Variants in CDYL2 observed in about 807,000 individuals in gnomAD.
CDYL2 encodes the protein chromodomain Y like 2.
A neutral mutation model predicts 49.4 loss-of-function variants in CDYL2; 23 were observed. That is an observed-to-expected ratio of 0.47 (90% CI 0.34 to 0.66). The LOEUF (loss-of-function observed/expected upper bound fraction) is 0.66, where lower values mean the gene tolerates loss of function less well. Among genes scored for constraint, CDYL2 ranks in the 30% least tolerant of loss-of-function variants. CDYL2 has a pLI of 0.01. For missense variants in CDYL2, 678 were observed against 656.4 expected, an observed-to-expected ratio of 1.03 and a Z score of -0.36; for synonymous variants, 360 against 268.8, an observed-to-expected ratio of 1.34 and a Z score of -3.32.
intron 2 of CDYL2, among the ~76,000 whole-genome samples, chr16:80,662,473 T>A (rs773961128): frequency 6.6e-6 from 1 of 152,184 alleles, no homozygotes; most frequent in Admixed American, 6.5e-5. Context: ...TCTGGTTGTT[T>A]GTACACCCTT....
intron 1 of CDYL2, among the ~76,000 whole-genome samples, chr16:80,786,591 T>C (rs1300156612): frequency 1.3e-5 from 2 of 152,200 alleles, no homozygotes; most frequent in Non-Finnish European, 1.5e-5. Context: ...AAATAACATT[T>C]GACCCAGCAA....
intron 3 of CDYL2, among the ~76,000 whole-genome samples, chr16:80,621,329 C>A (rs2142376572): frequency 6.6e-6 from 1 of 152,354 alleles, no homozygotes; most frequent in South Asian, 2.1e-4. Context: ...GGGATGTAAG[C>A]CATCTCTAGA....
intron 2 of CDYL2, among the ~76,000 whole-genome samples, chr16:80,683,191 T>A (rs1910038577): frequency 6.6e-6 from 1 of 152,230 alleles, no homozygotes; most frequent in South Asian, 2.1e-4. Flanking sequence ...CACCCTGGTT[T>A]CATCAGGGAA....
intron 2 of CDYL2, among the ~76,000 whole-genome samples, chr16:80,654,369 A>C (rs1043772217): frequency 6.6e-6 from 1 of 152,224 alleles, no homozygotes; most frequent in African/African-American, 2.4e-5. Flanking sequence ...ACATTTAAAG[A>C]AGCAGCACAC....
intron 1 of CDYL2, among the ~76,000 whole-genome samples, chr16:80,779,366 G>A (rs1476912865): frequency 1.3e-5 from 2 of 151,900 alleles, no homozygotes; most frequent in Non-Finnish European, 2.9e-5. Flanking sequence ...AATAATACGA[G>A]TAGTGCTGAG....
chr16:80,631,373 G>A lies in CDYL2; in HGVS notation c.834+1646C>T, dbSNP rs1907553403. ...TCTTGTAGGAAAAGGCTGCTTCGTG[G>A]AGCATCTTCCCACCTTTGTGCCGTC... On this transcript the variant is annotated intron_variant, in intron 3 of 6. Transcript: ENST00000570137. Among the ~76,000 whole-genome samples the A allele has an allele frequency of 2.6e-5, 4 of 152,174 alleles. No homozygotes were observed. The South Asian group carries it at 8.3e-4, about 32-fold the overall frequency.
At chr16:80,680,677 T>C (rs1476186477) in intron 2 of CDYL2, among the ~76,000 whole-genome samples, 3 of 152,216 alleles carry the variant, frequency 2.0e-5, no homozygotes, top group Non-Finnish European at 2.9e-5. Flanking sequence ...TTTAAAACTT[T>C]GAAGGACCAG....
intron 1 of CDYL2, among the ~76,000 whole-genome samples, chr16:80,802,438 T>C (rs1056388425): frequency 2.0e-5 from 3 of 152,240 alleles, no homozygotes; most frequent in Non-Finnish European, 4.4e-5. Context: ...TCTATTTTAC[T>C]GTGCTTCAAT....
intron 1 of CDYL2, among the ~76,000 whole-genome samples, chr16:80,720,359 T>C (rs561411572): frequency 2.0e-5 from 3 of 152,336 alleles, no homozygotes; most frequent in East Asian, 3.9e-4. Flanking sequence ...GCAGATTTGA[T>C]GTCAATCCCT....
chr16:80,716,437 G>A (rs1040296095), intron 1 of CDYL2, among the ~76,000 whole-genome samples: 8 of 151,902 alleles, frequency 5.3e-5, no homozygotes, highest in South Asian at 2.1e-4. Context: ...TGGGTAGGTC[G>A]ATGGATGGAT....
chr16:80,701,612 G>A (rs962087174), intron 1 of CDYL2, among the ~76,000 whole-genome samples: 17 of 152,080 alleles, frequency 1.1e-4, no homozygotes, highest in African/African-American at 4.1e-4. Flanking sequence ...ACTACAAGAA[G>A]ATAAACAACA....
intron 1 of CDYL2, among the ~76,000 whole-genome samples, chr16:80,701,060 G>C (rs1904297934): frequency 1.3e-5 from 2 of 152,130 alleles, no homozygotes; most frequent in South Asian, 4.1e-4. Context: ...GCAGTCTTAA[G>C]CCACTGGGAA....
At chr16:80,799,989 G>A (rs937212715) in intron 1 of CDYL2, among the ~76,000 whole-genome samples, 1 of 152,190 alleles carries the variant, frequency 6.6e-6, no homozygotes, top group Admixed American at 6.5e-5. Context: ...GGTGTGATTC[G>A]TAAATAGAGG....
At chr16:80,736,862 T>C (rs1197759453) in intron 1 of CDYL2, among the ~76,000 whole-genome samples, 2 of 152,236 alleles carry the variant, frequency 1.3e-5, no homozygotes, top group African/African-American at 4.8e-5. Flanking sequence ...ACCCAGTCAT[T>C]TGAACTGTTC....
chr16:80,791,221 T>C (rs1042531754), intron 1 of CDYL2, among the ~76,000 whole-genome samples: 4 of 152,178 alleles, frequency 2.6e-5, no homozygotes, highest in East Asian at 1.9e-4. Context: ...CATAAAGACA[T>C]AGGAAACACA....
At chr16:80,708,037 G>A (rs777553851) in intron 1 of CDYL2, among the ~76,000 whole-genome samples, 9 of 152,132 alleles carry the variant, frequency 5.9e-5, no homozygotes, top group Non-Finnish European at 1.3e-4. Flanking sequence ...TAGGGGTGGG[G>A]CAAAGATGAT....
intron 2 of CDYL2, among the ~76,000 whole-genome samples, chr16:80,656,557 C>T (rs1441550814): frequency 2.0e-5 from 3 of 152,224 alleles, no homozygotes; most frequent in Non-Finnish European, 4.4e-5. Context: ...GGAAAGCCCC[C>T]ATCATGCTAG....
At chr16:80,658,465 G>C (rs962498322) in intron 2 of CDYL2, among the ~76,000 whole-genome samples, 1 of 152,204 alleles carries the variant, frequency 6.6e-6, no homozygotes, top group South Asian at 2.1e-4. Flanking sequence ...TAGTGGGTTT[G>C]CTTTTCACTG....
chr16:80,714,918 T>C (rs1904744321), intron 1 of CDYL2, among the ~76,000 whole-genome samples: 1 of 152,120 alleles, frequency 6.6e-6, no homozygotes, highest in African/African-American at 2.4e-5. Flanking sequence ...TAAAAGGTGT[T>C]TCCATCTGTC....
Sources: gnomAD v4.1 joint callset for allele counts (sites outside exome capture counted in the v4.1 genomes callset) on GRCh38, gnomAD v4.1.1 for gene constraint, MANE v1.5 for transcripts, NCBI Gene and HGNC (gene_info 2026-07-23, HGNC 2026-07-21) for gene names.